Variants in LNPEP observed in about 807,000 individuals in gnomAD.
The protein encoded by LNPEP is leucyl-cystinyl aminopeptidase.
In LNPEP, 64 loss-of-function variants were observed where a neutral mutation model predicts 120.6. That is an observed-to-expected ratio of 0.53 (90% confidence interval 0.43 to 0.65). The LOEUF (loss-of-function observed/expected upper bound fraction) is 0.65. LNPEP is among the 30% of genes least tolerant of loss of function. The pLI, the probability that LNPEP is intolerant of heterozygous loss-of-function variation, is 0.00. For synonymous variants in LNPEP, 435 were observed against 425.4 expected, an observed-to-expected ratio of 1.02 and a Z score of -0.28; for missense variants, 1,057 against 1,200.0, an observed-to-expected ratio of 0.88 and a Z score of 1.76.
Position 97,028,357 on chromosome 5 carries a change from A to G in LNPEP, c.2947-45A>G, listed in dbSNP as rs1342203775. The G allele has an allele frequency of 2.5e-6, 4 of 1,597,076 alleles. No homozygotes were observed. The African/African-American group carries it at 5.4e-5, about 21-fold the overall frequency. The stretch of plus-strand genomic sequence containing the variant: ...TAAAAGCTGGGGTTACCTGAGGTTT[A>G]TCGTCCTTTTCTTCTTTTGAAATTC... On this transcript the variant is annotated intron_variant, in intron 17 of 17. Transcript: ENST00000231368.
chr5:96,951,502 C>T (rs1211037076), intron 1 of LNPEP, among the ~76,000 whole-genome samples: 1 of 152,136 alleles, frequency 6.6e-6, no homozygotes, highest in East Asian at 1.9e-4. Flanking sequence ...TCGTGATCCA[C>T]CCGCCTCGGC....
intron 1 of LNPEP, among the ~76,000 whole-genome samples, chr5:96,948,242 C>G (rs1014758677): frequency 6.6e-6 from 1 of 151,986 alleles, no homozygotes; most frequent in Admixed American, 6.5e-5. Flanking sequence ...CTCAGCCTCC[C>G]GAGTAGCTGG....
intron 4 of LNPEP, among the ~76,000 whole-genome samples, chr5:96,989,250 ATATTTGTGTATAT>A (rs1032743852): frequency 1.1e-4 from 15 of 142,092 alleles, no homozygotes; most frequent in African/African-American, 3.9e-4. Flanking sequence ...TAAGTGTATA[ATATTTGTGTATAT>A]ATGATATATA....
At chr5:97,008,887 C>T (rs1321968773) in intron 11 of LNPEP, among the ~76,000 whole-genome samples, 3 of 151,776 alleles carry the variant, frequency 2.0e-5, no homozygotes, top group Admixed American at 6.6e-5. Flanking sequence ...CTCCTGACCT[C>T]GTGATCCGCC....
intron 8 of LNPEP, among the ~76,000 whole-genome samples, chr5:96,998,824 T>G (rs1436713290): frequency 3.9e-5 from 6 of 152,152 alleles, no homozygotes; most frequent in African/African-American, 1.4e-4. Context: ...TAATATGTGC[T>G]GAGTGGGACA....
chr5:96,948,458 T>G (rs1789245670), intron 1 of LNPEP, among the ~76,000 whole-genome samples: 1 of 152,244 alleles, frequency 6.6e-6, no homozygotes, highest in Non-Finnish European at 1.5e-5. Flanking sequence ...CTCCCATTAA[T>G]AAGTATTTTT....
chr5:97,001,671 A>G (rs1790653814), intron 8 of LNPEP, among the ~76,000 whole-genome samples: 1 of 152,220 alleles, frequency 6.6e-6, no homozygotes, highest in Admixed American at 6.5e-5. Flanking sequence ...AGGAGGATTC[A>G]GTAGACGAGA....
In LNPEP at chr5:97,035,862, G is replaced by A. The variant is rs1791564298; in HGVS notation, c.*7329G>A. On this transcript the variant is annotated 3_prime_UTR_variant, in exon 18 of 18. Transcript: ENST00000231368. ...ACTCAGCTATGGTTGAGTTGTGAAA[G>A]CTAATTAGATCCAGCATTTCTTATG... The A allele has an allele frequency of 6.6e-6, 1 of 152,200 alleles. No individual in the cohort carries two copies. The highest frequency in any genetic ancestry group is 6.5e-5 in the Admixed American group (1 of 15,274). 9.4% of individuals were successfully genotyped at this position (152,200 alleles called of 1,614,324 possible). A position where few individuals can be genotyped will look rare whatever the true frequency, so the allele number is the denominator to read the frequency against.
At chr5:96,941,322 T>C (rs1789046984) in intron 1 of LNPEP, among the ~76,000 whole-genome samples, 1 of 152,196 alleles carries the variant, frequency 6.6e-6, no homozygotes, top group Non-Finnish European at 1.5e-5. Flanking sequence ...TCCTGCTGTG[T>C]GGCCTGATTC....
At chr5:97,012,824 A>C (rs1466103358) in intron 11 of LNPEP, among the ~76,000 whole-genome samples, 1 of 152,192 alleles carries the variant, frequency 6.6e-6, no homozygotes, top group African/African-American at 2.4e-5. Flanking sequence ...CATTTATAGT[A>C]GAGACCCCAG....
chr5:96,957,433 G>A (rs1353155566), intron 1 of LNPEP, among the ~76,000 whole-genome samples: 1 of 152,142 alleles, frequency 6.6e-6, no homozygotes, highest in Non-Finnish European at 1.5e-5. Flanking sequence ...ACATAATGAA[G>A]AGGAGTTAGG....
intron 1 of LNPEP, among the ~76,000 whole-genome samples, chr5:96,951,622 A>G (rs936047018): frequency 1.3e-5 from 2 of 152,204 alleles, no homozygotes; most frequent in African/African-American, 4.8e-5. Context: ...ATACAACTGT[A>G]TCATAGGAGT....
chr5:97,003,334 G>A, intron 8 of LNPEP, 81 bp from the exon 9 acceptor site: 1 of 834,268 alleles, frequency 1.2e-6, no homozygotes, highest in Non-Finnish European at 1.8e-6. Context: ...AATGACTGTA[G>A]TTTGAATTTT....
chr5:97,020,550 C>G (rs1202863029), intron 13 of LNPEP, among the ~76,000 whole-genome samples: 1 of 152,160 alleles, frequency 6.6e-6, no homozygotes, highest in Admixed American at 6.5e-5. Context: ...CGCCCGTAAT[C>G]CCAGCACTTT....
At chr5:96,942,213 A>G (rs999848374) in intron 1 of LNPEP, 3 of 152,196 alleles carry the variant, frequency 2.0e-5, no homozygotes, top group Admixed American at 6.5e-5. Flanking sequence ...AAGAAAAAAT[A>G]TAGCTCTTTG....
intron 9 of LNPEP, among the ~76,000 whole-genome samples, chr5:97,004,861 TA>T (rs2112644321): frequency 6.6e-6 from 1 of 152,362 alleles, no homozygotes; most frequent in African/African-American, 2.4e-5. Flanking sequence ...CCACATTGTT[TA>T]CTTTATACTT....
At chr5:97,027,136 G>A (rs369314443) in intron 16 of LNPEP, among the ~76,000 whole-genome samples, 1 of 152,126 alleles carries the variant, frequency 6.6e-6, no homozygotes. Flanking sequence ...GGCGGATCAC[G>A]AGGTCAGGAG....
chr5:97,015,365 A>G (rs925672619), intron 13 of LNPEP, among the ~76,000 whole-genome samples: 4 of 152,156 alleles, frequency 2.6e-5, no homozygotes, highest in Non-Finnish European at 5.9e-5. Context: ...ATATTTCTCT[A>G]TTCAGATCCT....
chr5:97,003,889 A>G (rs762783370), intron 9 of LNPEP, among the ~76,000 whole-genome samples: 5 of 151,436 alleles, frequency 3.3e-5, no homozygotes, highest in Non-Finnish European at 7.4e-5. Flanking sequence ...CTTTTTTTCC[A>G]GAAATCTCTT....
Sources: gnomAD v4.1 joint callset for allele counts (sites outside exome capture counted in the v4.1 genomes callset) on GRCh38, gnomAD v4.1.1 for gene constraint, MANE v1.5 for transcripts, NCBI Gene and HGNC (gene_info 2026-07-23, HGNC 2026-07-21) for gene names.